Variants in CDKAL1 observed in about 807,000 individuals in gnomAD.
CDKAL1 encodes threonylcarbamoyladenosine tRNA methylthiotransferase.
Under a neutral mutation model 68.2 loss-of-function variants are expected in CDKAL1, and 32 were observed. The ratio of observed to expected loss-of-function variants is 0.47; its 90% CI spans 0.35 to 0.63. The LOEUF (loss-of-function observed/expected upper bound fraction) is 0.63. CDKAL1 is among the 30% of genes least tolerant of loss of function. CDKAL1 has a pLI of 0.00. For synonymous variants in CDKAL1, 234 were observed against 244.3 expected (o/e 0.96, Z 0.39); for missense variants, 606 against 696.7 (o/e 0.87, Z 1.47).
chr6:20,590,288 T>C (rs1765536133), intron 4 of CDKAL1, among the ~76,000 whole-genome samples: 1 of 152,180 alleles, frequency 6.6e-6, no homozygotes, highest in East Asian at 1.9e-4. Context: ...GATTCTAGAC[T>C]AGATATGCAA....
chr6:20,679,797 A>G (rs73732738), intron 5 of CDKAL1, among the ~76,000 whole-genome samples: 15,093 of 152,162 alleles, frequency 0.099, 2,417 homozygotes, highest in African/African-American at 0.34. Context: ...TATGCCTAGT[A>G]GCCTTGGACA....
intron 12 of CDKAL1, among the ~76,000 whole-genome samples, chr6:21,092,036 G>A (rs865945337): frequency 4.0e-5 from 6 of 151,162 alleles, no homozygotes; most frequent in East Asian, 1.9e-4. Context: ...ACAGGCGCCC[G>A]CCACTACGCC....
intron 6 of CDKAL1, 150 bp downstream of exon 6, chr6:20,739,765 G>T: frequency 2.0e-6 from 1 of 496,322 alleles, no homozygotes; most frequent in Non-Finnish European, 3.6e-6. Flanking sequence ...CCCTGAAACT[G>T]TCATTTCTGT....
chr6:20,983,581 C>T (rs576994649), intron 10 of CDKAL1, among the ~76,000 whole-genome samples: 154 of 152,184 alleles, frequency 1.0e-3, no homozygotes, highest in South Asian at 2.1e-3. Context: ...ATTAGCCAGG[C>T]ATAGTGGCGC....
At chr6:21,141,659 G>T (rs767037721) in intron 13 of CDKAL1, among the ~76,000 whole-genome samples, 1 of 152,176 alleles carries the variant, frequency 6.6e-6, no homozygotes, top group Non-Finnish European at 1.5e-5. Context: ...AGCAACACTG[G>T]CATTATGGAT....
chr6:20,852,321 A>G (rs1049914644), intron 9 of CDKAL1, among the ~76,000 whole-genome samples: 1 of 152,224 alleles, frequency 6.6e-6, no homozygotes, highest in Non-Finnish European at 1.5e-5. Context: ...CTGTACCAAG[A>G]GAAGTCTACA....
intron 9 of CDKAL1, among the ~76,000 whole-genome samples, chr6:20,886,366 AC>A (rs1761067258): frequency 6.6e-6 from 1 of 152,146 alleles, no homozygotes; most frequent in African/African-American, 2.4e-5. Flanking sequence ...TTAATATATG[AC>A]CCAGCAATTT....
At chr6:20,680,322 C>T (rs1164280771) in intron 5 of CDKAL1, among the ~76,000 whole-genome samples, 1 of 152,224 alleles carries the variant, frequency 6.6e-6, no homozygotes, top group Admixed American at 6.5e-5. Context: ...ATGCTTCAGC[C>T]TCCCAAAGTC....
At chr6:21,173,114 C>CTGAA (rs1777454075) in intron 13 of CDKAL1, among the ~76,000 whole-genome samples, 1 of 146,706 alleles carries the variant, frequency 6.8e-6, no homozygotes, top group East Asian at 1.9e-4. Flanking sequence ...TCCTCCTTCA[C>CTGAA]CTCCCCACAA....
At chr6:20,874,951 A>G (rs1581741992) in intron 9 of CDKAL1, among the ~76,000 whole-genome samples, 1 of 152,302 alleles carries the variant, frequency 6.6e-6, no homozygotes, top group East Asian at 1.9e-4. Flanking sequence ...GGTTGTGTCA[A>G]AAAACTTGAG....
At chr6:20,709,661 G>A (rs1258831425) in intron 5 of CDKAL1, among the ~76,000 whole-genome samples, 1 of 152,122 alleles carries the variant, frequency 6.6e-6, no homozygotes, top group Non-Finnish European at 1.5e-5. Flanking sequence ...ACAACAGGAA[G>A]TACAAGAAGG....
At chr6:21,040,577 T>C (rs1202228178) in intron 11 of CDKAL1, among the ~76,000 whole-genome samples, 1 of 152,178 alleles carries the variant, frequency 6.6e-6, no homozygotes, top group African/African-American at 2.4e-5. Flanking sequence ...ATTGAATAGC[T>C]TCACTAAAAA....
chr6:21,175,774 A>G (rs987175561), intron 13 of CDKAL1, among the ~76,000 whole-genome samples: 3 of 152,242 alleles, frequency 2.0e-5, no homozygotes, highest in Non-Finnish European at 4.4e-5. Flanking sequence ...TGAATATTTC[A>G]TATTGATTTA....
At chr6:21,063,427 G>A (rs532638758) in intron 11 of CDKAL1, among the ~76,000 whole-genome samples, 8 of 152,290 alleles carry the variant, frequency 5.3e-5, no homozygotes, top group African/African-American at 1.9e-4. Flanking sequence ...GCCAACATTT[G>A]GGCCTATCAA....
intron 13 of CDKAL1, among the ~76,000 whole-genome samples, chr6:21,195,671 C>T (rs566243598): frequency 3.3e-5 from 5 of 151,768 alleles, no homozygotes; most frequent in Admixed American, 6.6e-5. Context: ...CCACCACACT[C>T]GGCTAATTTC....
chr6:20,870,557 C>G (rs368104525), intron 9 of CDKAL1, among the ~76,000 whole-genome samples: 1 of 152,080 alleles, frequency 6.6e-6, no homozygotes, highest in Non-Finnish European at 1.5e-5. Context: ...TCTTTCCTGA[C>G]GTTTACTTGT....
intron 7 of CDKAL1, among the ~76,000 whole-genome samples, chr6:20,767,478 A>G (rs1180695013): frequency 6.6e-6 from 1 of 152,054 alleles, no homozygotes; most frequent in Non-Finnish European, 1.5e-5. Context: ...TTAAAAAAAC[A>G]AAGATTTTAT....
At chr6:21,184,373 T>C (rs762579297) in intron 13 of CDKAL1, among the ~76,000 whole-genome samples, 3 of 152,038 alleles carry the variant, frequency 2.0e-5, no homozygotes, top group Admixed American at 1.3e-4. Flanking sequence ...TTTTGTATTT[T>C]TAGTAGACAT....
intron 5 of CDKAL1, among the ~76,000 whole-genome samples, chr6:20,679,317 A>T (rs953268096): frequency 2.0e-5 from 3 of 152,028 alleles, no homozygotes; most frequent in African/African-American, 7.3e-5. Context: ...TTACTTTCTG[A>T]TTTTCTCACC....
Sources: allele counts gnomAD v4.1 joint callset (sites outside exome capture counted in the v4.1 genomes callset), GRCh38; gene constraint gnomAD v4.1.1; transcripts MANE v1.5; gene names NCBI Gene and HGNC (gene_info 2026-07-23, HGNC 2026-07-21).